The following ANO3 variants were observed in gnomAD, a reference collection of about 807,000 sequenced individuals.
ANO3 encodes the protein anoctamin-3.
A neutral mutation model predicts 144.8 loss-of-function variants in ANO3; 99 were observed. The observed-to-expected ratio is 0.68, with a 90% CI of 0.58 to 0.81. The LOEUF is 0.81. Among genes scored for constraint, ANO3 ranks in the 30% least tolerant of loss-of-function variants. The probability of loss-of-function intolerance (pLI) is 0.00; values close to 1 mark genes in which losing one functional copy is unlikely to be tolerated. For synonymous variants in ANO3, 414 were observed against 392.6 expected, an observed-to-expected ratio of 1.05 and a Z score of -0.64; for missense variants, 905 against 1,202.2, an observed-to-expected ratio of 0.75 and a Z score of 3.66.
At chr11:26,416,227 A>C (rs1221589539) in intron 1 of ANO3, among the ~76,000 whole-genome samples, 2 of 152,056 alleles carry the variant, frequency 1.3e-5, no homozygotes, top group Non-Finnish European at 2.9e-5. Context: ...TATTTCTGAT[A>C]AATTTTAATA....
At chr11:26,565,117 G>T in intron 14 of ANO3, 1 of 1,476,796 alleles carries the variant, frequency 6.8e-7, no homozygotes, top group Non-Finnish European at 9.0e-7. Context: ...TGACTTATTT[G>T]GAATTTCAGT....
At chr11:26,427,914 C>A (rs1857964445) in intron 1 of ANO3, among the ~76,000 whole-genome samples, 1 of 152,056 alleles carries the variant, frequency 6.6e-6, no homozygotes, top group Admixed American at 6.6e-5. Flanking sequence ...CATAAGATCT[C>A]ATGAGAACTT....
chr11:26,511,903 A>G (rs1415433483), intron 5 of ANO3, among the ~76,000 whole-genome samples: 2 of 152,174 alleles, frequency 1.3e-5, no homozygotes, highest in African/African-American at 4.8e-5. Context: ...CAATACCAGA[A>G]AAAAACAGGG....
chr11:26,228,630 A>G (rs943225397), intron 1 of ANO3, among the ~76,000 whole-genome samples: 1 of 152,234 alleles, frequency 6.6e-6, no homozygotes, highest in Non-Finnish European at 1.5e-5. Context: ...TTGGCCCCAA[A>G]GTTAGCACCA....
At chr11:26,405,318 A>G (rs987689075) in intron 1 of ANO3, among the ~76,000 whole-genome samples, 1 of 151,780 alleles carries the variant, frequency 6.6e-6, no homozygotes, top group Non-Finnish European at 1.5e-5. Flanking sequence ...ATTTCTTGTG[A>G]GCTTCCATTC....
rs146353790 is a variant in ANO3, at chr11:26,527,861, T to C, written c.737+2182T>C. Among the ~76,000 whole-genome samples the C allele has an allele frequency of 3.9e-3, 440 of 113,606 alleles. 1 individual carries two copies. The highest frequency in any genetic ancestry group is 0.014 in the Middle Eastern group (3 of 212). The allele number at this position is 113,606 out of a possible 152,430, so 74.5% of individuals were successfully genotyped here. On this transcript the variant is annotated intron_variant, in intron 7 of 26. Coordinates refer to ENST00000256737, the MANE Select transcript of ANO3 (RefSeq NM_031418.4). ...AACAGAGAGTAGCCAGTTTTGCAGA[T>C]AGGAAAACAAAAAAGACTCCCTTAT... is the stretch of plus-strand genomic sequence containing the variant.
At chr11:26,338,203 C>T (rs1333105674) in intron 1 of ANO3, among the ~76,000 whole-genome samples, 2 of 151,958 alleles carry the variant, frequency 1.3e-5, no homozygotes, top group African/African-American at 4.8e-5. Context: ...AGCTGGACTT[C>T]CTGGGTTGAG....
chr11:26,528,409 A>C (rs925656324), intron 7 of ANO3, among the ~76,000 whole-genome samples: 4 of 152,176 alleles, frequency 2.6e-5, no homozygotes, highest in Non-Finnish European at 1.5e-5. Context: ...TGAAAACCTA[A>C]AGTGATAATA....
chr11:26,564,085 C>T (rs529323127), intron 14 of ANO3, among the ~76,000 whole-genome samples: 3 of 151,582 alleles, frequency 2.0e-5, no homozygotes, highest in Admixed American at 6.6e-5. Context: ...GTACAGTAAA[C>T]TTGTTACTAA....
At chr11:26,519,657 T>A (rs294007) in intron 6 of ANO3, among the ~76,000 whole-genome samples, 4,012 of 152,224 alleles carry the variant, frequency 0.026, 149 homozygotes, top group African/African-American at 0.087. Flanking sequence ...TGCTCTCTCC[T>A]CCAATTCATG....
rs184597179 is a variant in ANO3 at position 26,549,648 on chromosome 11, T to C, written c.1289+2098T>C. ...TATATAACAATCAGGTTTTAGATGA[T>C]TGTATATACATACATGTATATATTT... On this transcript the variant is annotated intron_variant, in intron 12 of 26. Transcript: ENST00000256737. Among the ~76,000 whole-genome samples, 51 of 152,098 alleles carry C rather than the reference T, an allele frequency of 3.4e-4. 1 individual carries two copies. In the East Asian group the frequency reaches 8.3e-3, roughly 25 times the overall value.
chr11:26,300,118 T>A (rs1210112301), intron 1 of ANO3, among the ~76,000 whole-genome samples: 2 of 152,146 alleles, frequency 1.3e-5, no homozygotes. Context: ...GACCAGTCTG[T>A]ATGCTGGCAT....
intron 14 of ANO3, chr11:26,571,986 A>T: frequency 1.6e-6 from 1 of 625,226 alleles, no homozygotes; most frequent in Non-Finnish European, 2.0e-6. Flanking sequence ...GAAGAGAGAG[A>T]GTAGAGAGTG....
intron 4 of ANO3, among the ~76,000 whole-genome samples, chr11:26,466,735 GCA>G (rs554723475): frequency 2.0e-5 from 3 of 151,950 alleles, no homozygotes; most frequent in Non-Finnish European, 4.4e-5. Flanking sequence ...TCCAGCCTGT[GCA>G]CAGAATCATG....
intron 14 of ANO3, among the ~76,000 whole-genome samples, chr11:26,564,145 A>G (rs986553173): frequency 1.3e-5 from 2 of 151,816 alleles, no homozygotes; most frequent in Non-Finnish European, 2.9e-5. Context: ...AGCAATGGTA[A>G]GAGTAAGTAC....
At chr11:26,503,950 T>G (rs529970494) in intron 4 of ANO3, among the ~76,000 whole-genome samples, 10 of 152,318 alleles carry the variant, frequency 6.6e-5, no homozygotes, top group South Asian at 4.1e-4. Context: ...GTCTTCTCAT[T>G]GAACAACATT....
intron 1 of ANO3, among the ~76,000 whole-genome samples, chr11:26,378,144 G>C (rs1323785863): frequency 6.6e-6 from 1 of 151,726 alleles, no homozygotes; most frequent in Non-Finnish European, 1.5e-5. Context: ...TGAAATGTGA[G>C]TAAATATAAA....
At chr11:26,266,239 C>A (rs1216649336) in intron 1 of ANO3, among the ~76,000 whole-genome samples, 4 of 151,916 alleles carry the variant, frequency 2.6e-5, no homozygotes, top group Admixed American at 2.0e-4. Context: ...TCAGAGATTT[C>A]CCACCTCTCT....
chr11:26,571,205 A>T lies in ANO3; in HGVS notation c.1447+11426A>T, dbSNP rs1850811771. 2.0e-5 allele frequency among the ~76,000 whole-genome samples: 3 copies of T among 152,084 alleles called. No homozygotes were observed. In the South Asian group the frequency reaches 6.2e-4, roughly 31 times the overall value. On this transcript the variant is annotated intron_variant, in intron 14 of 26. Coordinates refer to ENST00000256737, the MANE Select transcript of ANO3 (RefSeq NM_031418.4). ...AGAAAGAAAGTTTCTCCGAAAGGAAAGTTCTAGATCAAAATTTTCAAGCAT... is the reference window on the plus strand; with the variant it reads ...AGAAAGAAAGTTTCTCCGAAAGGAATGTTCTAGATCAAAATTTTCAAGCAT...
Sources: allele counts gnomAD v4.1 joint callset (sites outside exome capture counted in the v4.1 genomes callset), GRCh38; gene constraint gnomAD v4.1.1; transcripts MANE v1.5; gene names NCBI Gene and HGNC (gene_info 2026-07-23, HGNC 2026-07-21).